The following ENTPD1 variants were observed in gnomAD, a reference collection of about 807,000 sequenced individuals.
The protein encoded by ENTPD1 is ATP diphosphohydrolase.
Under a neutral mutation model 57.0 loss-of-function variants are expected in ENTPD1, and 33 were observed. That is an observed-to-expected ratio of 0.58 (90% CI 0.44 to 0.77). The LOEUF (loss-of-function observed/expected upper bound fraction) is 0.77. ENTPD1 is among the 30% of genes least tolerant of loss of function. The pLI is 0.00. For missense variants in ENTPD1, 501 were observed against 603.4 expected (o/e 0.83, Z 1.78); for synonymous variants, 202 against 218.8 (o/e 0.92, Z 0.68).
At position 95,876,719 on chromosome 10, in the gene ENTPD1, A is replaced by T; in HGVS notation, c.*10336A>T. On this transcript the variant is annotated 3_prime_UTR_variant, in exon 10 of 10. Transcript: ENST00000371205. ...TTATTGGAATATTCAAATATTAACCAAAGTAGAAAAATATAATACACATCC... is the reference window on the plus strand; with the variant it reads ...TTATTGGAATATTCAAATATTAACCTAAGTAGAAAAATATAATACACATCC... The T allele has an allele frequency of 9.2e-7, 1 of 1,089,234 alleles. No individual in the cohort carries two copies. The highest frequency in any genetic ancestry group is 4.8e-5 in the South Asian group (1 of 20,950). 67.5% of individuals were successfully genotyped at this position (1,089,234 alleles called of 1,614,324 possible). A position where few individuals can be genotyped will look rare whatever the true frequency, so the allele number is the denominator to read the frequency against.
rs1438689951 is a variant in ENTPD1 at position 95,869,244 on chromosome 10, T to G, written c.*2861T>G. The G allele has an allele frequency of 3.6e-6, 1 of 274,778 alleles. No homozygotes were observed. The highest frequency in any genetic ancestry group is 3.5e-5 in the African/African-American group (1 of 28,734). 17.0% of individuals were successfully genotyped at this position (274,778 alleles called of 1,614,324 possible). A position where few individuals can be genotyped will look rare whatever the true frequency, so the allele number is the denominator to read the frequency against. On this transcript the variant is annotated 3_prime_UTR_variant, in exon 10 of 10. Transcript: ENST00000371205. ...AAAAGATCAGCAGAAGTCATTACTT[T>G]TTTTTTTTTTTTTTTTTTTTTTTGA... is the stretch of plus-strand genomic sequence containing the variant.
intron 4 of ENTPD1, among the ~76,000 whole-genome samples, chr10:95,842,713 G>C (rs781069887): frequency 1.3e-5 from 2 of 152,020 alleles, no homozygotes; most frequent in African/African-American, 2.4e-5. Flanking sequence ...AAGCCCCCTT[G>C]TGCATCTCCC....
intron 1 of ENTPD1, among the ~76,000 whole-genome samples, chr10:95,788,251 T>A (rs992827037): frequency 2.0e-5 from 3 of 152,136 alleles, no homozygotes; most frequent in African/African-American, 7.2e-5. Flanking sequence ...ATAAATAAAA[T>A]TTTAAAACAA....
At chr10:95,704,542 G>A in the ENTPD1 span, among the ~76,000 whole-genome samples, 2 of 152,146 alleles carry the variant, frequency 1.3e-5, no homozygotes, top group African/African-American at 2.4e-5. Context: ...AGTACAGTGA[G>A]GAAAGGGTGA....
At chr10:95,777,657 C>A (rs2098139193) in intron 1 of ENTPD1, among the ~76,000 whole-genome samples, 1 of 152,194 alleles carries the variant, frequency 6.6e-6, no homozygotes, top group South Asian at 2.1e-4. Flanking sequence ...AGCTCAAACA[C>A]CATGCTGGGA....
intron 1 of ENTPD1, among the ~76,000 whole-genome samples, chr10:95,744,199 C>G (rs895335494): frequency 1.3e-5 from 2 of 151,806 alleles, no homozygotes; most frequent in Non-Finnish European, 2.9e-5. Context: ...AAGCCTGACT[C>G]CTATTGTCTG....
intron 1 of ENTPD1, among the ~76,000 whole-genome samples, chr10:95,812,674 A>T (rs1290973177): frequency 1.3e-5 from 2 of 152,234 alleles, no homozygotes; most frequent in East Asian, 3.8e-4. Context: ...ACACTTTCTC[A>T]AAGTGGCTTT....
chr10:95,826,338 C>T (rs1488114839), intron 2 of ENTPD1, among the ~76,000 whole-genome samples: 4 of 151,866 alleles, frequency 2.6e-5, no homozygotes, highest in African/African-American at 7.3e-5. Context: ...TTTGGGAGGC[C>T]GAGGTGGGCA....
chr10:95,816,653 T>C (rs567893089), intron 1 of ENTPD1, among the ~76,000 whole-genome samples: 1 of 152,198 alleles, frequency 6.6e-6, no homozygotes, highest in East Asian at 1.9e-4. Context: ...GCTAAGAAGC[T>C]GAAAAAGACA....
At chr10:95,842,543 G>C in intron 4 of ENTPD1, 49 bp downstream of exon 4, 1 of 1,592,496 alleles carries the variant, frequency 6.3e-7, no homozygotes, top group Non-Finnish European at 8.6e-7. Context: ...AGGCTTGGCA[G>C]TGAAAGAGCC....
intron 1 of ENTPD1, among the ~76,000 whole-genome samples, chr10:95,822,956 T>C (rs1590017402): frequency 6.6e-6 from 1 of 152,242 alleles, no homozygotes; most frequent in East Asian, 1.9e-4. Flanking sequence ...ACAGCCAATT[T>C]GGGGCTCTTC....
intron 1 of ENTPD1, among the ~76,000 whole-genome samples, chr10:95,720,104 C>G (rs2097975885): frequency 6.6e-6 from 1 of 151,582 alleles, no homozygotes; most frequent in African/African-American, 2.4e-5. Context: ...CATGGTTTTA[C>G]TAGGCCTTGG....
intron 1 of ENTPD1, among the ~76,000 whole-genome samples, chr10:95,784,378 G>C (rs1342714431): frequency 6.6e-6 from 1 of 152,126 alleles, no homozygotes; most frequent in Non-Finnish European, 1.5e-5. Flanking sequence ...TTTCAGCACT[G>C]TCTCTCACCA....
intron 1 of ENTPD1, among the ~76,000 whole-genome samples, chr10:95,713,624 T>C (rs1380247987): frequency 6.6e-6 from 1 of 152,266 alleles, no homozygotes; most frequent in African/African-American, 2.4e-5. Context: ...TCAGTCCCTG[T>C]AGTACTTGTA....
At chr10:95,844,086 G>A (rs2098428482) in intron 4 of ENTPD1, among the ~76,000 whole-genome samples, 1 of 152,152 alleles carries the variant, frequency 6.6e-6, no homozygotes, top group Non-Finnish European at 1.5e-5. Flanking sequence ...AACCAGCTAG[G>A]AGCCACCCAC....
intron 1 of ENTPD1, among the ~76,000 whole-genome samples, chr10:95,793,338 TATAAAAAATAATGAAGGG>T (rs2098213281): frequency 6.6e-6 from 1 of 152,180 alleles, no homozygotes; most frequent in African/African-American, 2.4e-5. Context: ...TTGAGTTGTT[TATAAAAAATAATGAAGGG>T]AAAATCCCCC....
chr10:95,853,928 A>T (rs1456314032), intron 7 of ENTPD1, among the ~76,000 whole-genome samples: 1 of 152,234 alleles, frequency 6.6e-6, no homozygotes, highest in Non-Finnish European at 1.5e-5. Flanking sequence ...CTTTGGTATC[A>T]GGATGATGCT....
At chr10:95,829,845 T>C (rs2098390749) in intron 2 of ENTPD1, among the ~76,000 whole-genome samples, 1 of 152,132 alleles carries the variant, frequency 6.6e-6, no homozygotes, top group South Asian at 2.1e-4. Context: ...TGGTGGGTCA[T>C]GAGGGCTCTG....
At chr10:95,853,068 A>G (rs1455609094) in intron 7 of ENTPD1, among the ~76,000 whole-genome samples, 2 of 152,094 alleles carry the variant, frequency 1.3e-5, no homozygotes, top group East Asian at 1.9e-4. Flanking sequence ...CATGAGCATG[A>G]AATGTTCTTC....
Sources: allele counts gnomAD v4.1 joint callset (sites outside exome capture counted in the v4.1 genomes callset), GRCh38; gene constraint gnomAD v4.1.1; transcripts MANE v1.5; gene names NCBI Gene and HGNC (gene_info 2026-07-23, HGNC 2026-07-21).